The following AAK1 variants were observed in gnomAD, a reference collection of about 807,000 sequenced individuals.
The protein encoded by AAK1 is AP2-associated protein kinase 1.
In AAK1, 37 loss-of-function variants were observed where a neutral mutation model predicts 116.0. The ratio of observed to expected loss-of-function variants is 0.32; its 90% CI spans 0.25 to 0.42. The LOEUF (loss-of-function observed/expected upper bound fraction) is 0.42. Among genes scored for constraint, AAK1 ranks in the 10% least tolerant of loss-of-function variants. AAK1 has a pLI of 1.00. For synonymous variants in AAK1, 458 were observed against 439.9 expected (o/e 1.04, Z -0.51); for missense variants, 919 against 1,170.6 (o/e 0.79, Z 3.14).
At chr2:69,637,845 G>C (rs556858998) in intron 2 of AAK1, among the ~76,000 whole-genome samples, 1 of 152,148 alleles carries the variant, frequency 6.6e-6, no homozygotes, top group African/African-American at 2.4e-5. Context: ...CAGGGTACAA[G>C]TGTATGTCTC....
chr2:69,590,613 G>A (rs962665784), intron 2 of AAK1, among the ~76,000 whole-genome samples: 1 of 152,226 alleles, frequency 6.6e-6, no homozygotes, highest in African/African-American at 2.4e-5. Flanking sequence ...TCTGCATATT[G>A]CAGATACAGG....
chr2:69,584,692 G>C (rs1385041803), intron 2 of AAK1, among the ~76,000 whole-genome samples: 1 of 152,184 alleles, frequency 6.6e-6, no homozygotes, highest in Non-Finnish European at 1.5e-5. Flanking sequence ...CATTGAACTA[G>C]ATTGCACAAG....
chr2:69,531,619 C>T (rs1027566958), intron 6 of AAK1: 6 of 988,696 alleles, frequency 6.1e-6, no homozygotes, highest in South Asian at 9.3e-5. Context: ...CCACTTAGAT[C>T]GCCTTATGAG....
intron 16 of AAK1, among the ~76,000 whole-genome samples, chr2:69,503,736 G>T (rs938400524): frequency 1.3e-5 from 2 of 150,556 alleles, no homozygotes; most frequent in Non-Finnish European, 1.5e-5. Context: ...GGCCAGGCTG[G>T]TCTCAAACTC....
At position 69,465,276 on chromosome 2, in the gene AAK1, G is replaced by T. The variant is rs1448688900; in HGVS notation, c.*10593C>A. On this transcript the variant is annotated 3_prime_UTR_variant, in exon 22 of 22. Coordinates refer to ENST00000409085, the MANE Select transcript of AAK1 (RefSeq NM_014911.5). Reference sequence around the variant, plus strand: ...TTCAACTAAATATCACTGCAACTGAGTTTGTTGACTCAAGAAATTCTGCTC... The same window carrying T: ...TTCAACTAAATATCACTGCAACTGATTTTGTTGACTCAAGAAATTCTGCTC... 2.0e-5 allele frequency: 13 copies of T among 642,280 alleles called. No homozygotes were observed. Among genetic ancestry groups the T allele is most frequent in the Non-Finnish European group, 2.7e-5 (12 of 445,810 alleles). 39.8% of individuals were successfully genotyped at this position (642,280 alleles called of 1,614,324 possible).
rs1019942178 is a variant in AAK1 at position 69,465,760 on chromosome 2, T to C, written c.*10109A>G. 1.5e-6 allele frequency: 2 copies of C among 1,290,870 alleles called. No individual in the cohort carries two copies. Among genetic ancestry groups the C allele is most frequent in the East Asian group, 5.6e-5 (1 of 17,996 alleles). 80.0% of individuals were successfully genotyped at this position (1,290,870 alleles called of 1,614,324 possible). ...TCCAGGCAGGATCCCCTGGGAGAGA[T>C]GCTGTCCAGATGGTCTGCTGCTTGT... On this transcript the variant is annotated 3_prime_UTR_variant, in exon 22 of 22. Coordinates refer to ENST00000409085, the MANE Select transcript of AAK1 (RefSeq NM_014911.5).
chr2:69,492,296 C>CTCTGCCTCCCAGGTTCAAGCAATTCT (rs1675553620), intron 17 of AAK1, among the ~76,000 whole-genome samples: 3 of 151,796 alleles, frequency 2.0e-5, no homozygotes, highest in Non-Finnish European at 4.4e-5. Context: ...TCACTGCAAT[C>CTCTGCCTCCCAGGTTCAAGCAATTCT]TCTGCCTCCC....
chr2:69,518,190 T>A (rs1676661405), intron 12 of AAK1, among the ~76,000 whole-genome samples: 1 of 152,086 alleles, frequency 6.6e-6, no homozygotes, highest in East Asian at 1.9e-4. Context: ...AAAAAATATA[T>A]GAAAAGATAA....
intron 1 of AAK1, 107 bp downstream of exon 1, chr2:69,643,461 CGGAGAAA>C: frequency 8.3e-7 from 1 of 1,207,760 alleles, no homozygotes; most frequent in African/African-American, 1.6e-5. Flanking sequence ...GCCGGGAGCT[CGGAGAAA>C]GGAGGGATCC....
At chr2:69,522,220 TAA>T (rs1669819355) in intron 10 of AAK1, among the ~76,000 whole-genome samples, 1 of 152,210 alleles carries the variant, frequency 6.6e-6, no homozygotes, top group Non-Finnish European at 1.5e-5. Context: ...CCAAAATTAA[TAA>T]GTTTCAAGAA....
At chr2:69,502,912 T>C (rs1210813980) in intron 16 of AAK1, among the ~76,000 whole-genome samples, 2 of 152,220 alleles carry the variant, frequency 1.3e-5, no homozygotes, top group Non-Finnish European at 2.9e-5. Flanking sequence ...TTGGTAACAA[T>C]GTAAATATTC....
In AAK1 at chr2:69,598,083, C is replaced by T. The variant is rs1673386432; in HGVS notation, c.164-41105G>A. 5.2e-6 allele frequency: 4 copies of T among 773,448 alleles called. 1 individual carries two copies. The South Asian group carries it at 2.3e-4, about 45-fold the overall frequency. The allele number at this position is 773,448 out of a possible 1,614,324, so 47.9% of individuals were successfully genotyped here. On this transcript the variant is annotated intron_variant, in intron 2 of 21. Transcript: ENST00000409085. ...CTTCTTTATGGTGACATAATGCAAC[C>T]ACATGTTTTGGATACATATAATAAC... is the stretch of plus-strand genomic sequence containing the variant.
rs1361397805 is a variant in AAK1, at chr2:69,472,954, T to C, written c.*2915A>G. ...AAGCCCATTATAATTCTTTAAAATG[T>C]AAACACTGCTACCGTAATAGCAGGA... On this transcript the variant is annotated 3_prime_UTR_variant, in exon 22 of 22. Transcript: ENST00000409085. 1 of 985,456 alleles carries C rather than the reference T, an allele frequency of 1.0e-6. No homozygotes were observed. The highest frequency in any genetic ancestry group is 4.7e-5 in the South Asian group (1 of 21,284). The allele number at this position is 985,456 out of a possible 1,614,324, so 61.0% of individuals were successfully genotyped here.
At chr2:69,625,414 T>C (rs529326091) in intron 2 of AAK1, among the ~76,000 whole-genome samples, 1 of 152,366 alleles carries the variant, frequency 6.6e-6, no homozygotes, top group East Asian at 1.9e-4. Context: ...GTCTCATCCG[T>C]ATCAAGCAAA....
At chr2:69,553,437 G>GGTT (rs1438829164) in intron 3 of AAK1, among the ~76,000 whole-genome samples, 56 of 79,612 alleles carry the variant, frequency 7.0e-4, no homozygotes, top group African/African-American at 2.9e-3. Context: ...ATTGAAAGTT[G>GGTT]TTTTTTTTTT....
At chr2:69,556,744 T>C (rs1165097235) in intron 3 of AAK1, 116 bp downstream of exon 3, 20 of 733,636 alleles carry the variant, frequency 2.7e-5, no homozygotes, top group Middle Eastern at 2.5e-4. Context: ...TCCCATTTTG[T>C]ACAGAGGCCT....
Position 69,469,255 on chromosome 2 carries a change from G to C in AAK1, c.*6614C>G. Reference sequence around the variant, plus strand: ...GGCAAAGAAATGCCAGAGAATATGGGGGAAGCCCAGACCTCCACATTCCCT... The same window carrying C: ...GGCAAAGAAATGCCAGAGAATATGGCGGAAGCCCAGACCTCCACATTCCCT... On this transcript the variant is annotated 3_prime_UTR_variant, in exon 22 of 22. Coordinates refer to ENST00000409085, the MANE Select transcript of AAK1 (RefSeq NM_014911.5). 10 of 985,412 alleles carry C rather than the reference G, an allele frequency of 1.0e-5. No homozygotes were observed. Among genetic ancestry groups the C allele is most frequent in the Non-Finnish European group, 1.2e-5 (10 of 829,930 alleles). 61.0% of individuals were successfully genotyped at this position (985,412 alleles called of 1,614,324 possible). A position where few individuals can be genotyped will look rare whatever the true frequency, so the allele number is the denominator to read the frequency against.
chr2:69,477,094 A>G, intron 20 of AAK1, 104 bp from the exon 21 acceptor site: 1 of 644,436 alleles, frequency 1.6e-6, no homozygotes, highest in Non-Finnish European at 2.6e-6. Flanking sequence ...CAGCCCTGTT[A>G]TTTTCAAAGG....
At chr2:69,599,871 G>A (rs774314951) in intron 2 of AAK1, among the ~76,000 whole-genome samples, 26 of 151,998 alleles carry the variant, frequency 1.7e-4, no homozygotes, top group Non-Finnish European at 2.9e-4. Context: ...TTGACCTCCC[G>A]GGTGCAATCA....
Sources: allele counts gnomAD v4.1 joint callset (sites outside exome capture counted in the v4.1 genomes callset), GRCh38; gene constraint gnomAD v4.1.1; transcripts MANE v1.5; gene names NCBI Gene and HGNC (gene_info 2026-07-23, HGNC 2026-07-21).